Variants in SYNPR observed in about 807,000 individuals in gnomAD.
SYNPR encodes the protein synaptoporin.
Under a neutral mutation model 32.9 loss-of-function variants are expected in SYNPR, and 23 were observed. The observed-to-expected ratio is 0.70, with a 90% CI of 0.50 to 0.99. The LOEUF is 0.99. Ranked by LOEUF, SYNPR falls within the 50% of genes least tolerant of loss-of-function variation. SYNPR has a pLI of 0.00. For missense variants in SYNPR, 318 were observed against 349.3 expected (o/e 0.91, Z 0.71); for synonymous variants, 146 against 135.9 (o/e 1.07, Z -0.52).
At chr3:63,356,284 T>C (rs1560203272) in intron 2 of SYNPR, among the ~76,000 whole-genome samples, 1 of 152,212 alleles carries the variant, frequency 6.6e-6, no homozygotes, top group Non-Finnish European at 1.5e-5. Flanking sequence ...AATCCTGGGA[T>C]CAGAAGGCAT....
Position 63,503,201 on chromosome 3 carries a change from G to T in SYNPR, c.209+22245G>T, listed in dbSNP as rs151014586. Among the ~76,000 whole-genome samples the T allele has an allele frequency of 3.4e-3, 521 of 152,044 alleles. 4 individuals carry two copies. The highest frequency in any genetic ancestry group is 0.012 in the African/African-American group (479 of 41,502). ...ATTTGTATTTTTTTTCTGATGACAC[G>T]TGATGTGGAACATCTTTTCATATAT... On this transcript the variant is annotated intron_variant, in intron 3 of 5. Transcript: ENST00000478300.
At chr3:63,462,759 GT>G (rs1415001427) in intron 2 of SYNPR, among the ~76,000 whole-genome samples, 1 of 152,148 alleles carries the variant, frequency 6.6e-6, no homozygotes, top group Non-Finnish European at 1.5e-5. Context: ...CTGGAAAATT[GT>G]TATTTGCATA....
At chr3:63,322,807 T>C (rs1284418641) in intron 2 of SYNPR, among the ~76,000 whole-genome samples, 1 of 152,092 alleles carries the variant, frequency 6.6e-6, no homozygotes, top group Non-Finnish European at 1.5e-5. Context: ...ACAAAGGAAT[T>C]TGTAAGTTCT....
chr3:63,437,617 G>T (rs1700107977), intron 2 of SYNPR, among the ~76,000 whole-genome samples: 1 of 143,098 alleles, frequency 7.0e-6, no homozygotes, highest in Non-Finnish European at 1.5e-5. Flanking sequence ...AGGAAAAAGG[G>T]AAGGAAGAAA....
At chr3:63,575,615 G>T (rs997740319) in intron 4 of SYNPR, among the ~76,000 whole-genome samples, 2 of 152,138 alleles carry the variant, frequency 1.3e-5, no homozygotes, top group Non-Finnish European at 2.9e-5. Context: ...AACAGACTCT[G>T]CTTACTCAGA....
chr3:63,570,362 T>C (rs1702863801), intron 4 of SYNPR, among the ~76,000 whole-genome samples: 1 of 152,190 alleles, frequency 6.6e-6, no homozygotes, highest in Admixed American at 6.5e-5. Flanking sequence ...TATCTCTGGC[T>C]TATAGAAATA....
At chr3:63,243,231 T>C (rs1430521860) in intron 1 of SYNPR, among the ~76,000 whole-genome samples, 1 of 151,930 alleles carries the variant, frequency 6.6e-6, no homozygotes. Context: ...AAACTCTAAA[T>C]AGCACAAAGA....
chr3:63,347,875 TTGTGTG>T (rs10597535), intron 2 of SYNPR, among the ~76,000 whole-genome samples: 12,870 of 144,328 alleles, frequency 0.089, 599 homozygotes, highest in African/African-American at 0.13. Flanking sequence ...TAGTATTCCA[TTGTGTG>T]TGTGTGTGTG....
chr3:63,550,468 G>A (rs1436719629), intron 3 of SYNPR, among the ~76,000 whole-genome samples: 1 of 147,462 alleles, frequency 6.8e-6, no homozygotes, highest in Non-Finnish European at 1.5e-5. Context: ...CATCATCAGT[G>A]TTAATAAGGT....
chr3:63,488,671 CCT>C (rs1418353736), intron 3 of SYNPR, among the ~76,000 whole-genome samples: 1 of 151,760 alleles, frequency 6.6e-6, no homozygotes, highest in Non-Finnish European at 1.5e-5. Context: ...TTGAATATTC[CCT>C]GAGTTGCTAT....
chr3:63,318,652 G>A (rs2087071398), intron 2 of SYNPR, among the ~76,000 whole-genome samples: 1 of 151,808 alleles, frequency 6.6e-6, no homozygotes, highest in Non-Finnish European at 1.5e-5. Flanking sequence ...ATATTTCTCT[G>A]TTCACTTCTT....
chr3:63,359,297 G>T (rs141294738), intron 2 of SYNPR, among the ~76,000 whole-genome samples: 1 of 152,258 alleles, frequency 6.6e-6, no homozygotes, highest in African/African-American at 2.4e-5. Flanking sequence ...TTACCTGCAT[G>T]AGAGAATTTG....
At chr3:63,262,582 G>A (rs545047541) in intron 2 of SYNPR, among the ~76,000 whole-genome samples, 2 of 152,196 alleles carry the variant, frequency 1.3e-5, no homozygotes, top group Admixed American at 1.3e-4. Context: ...GGGCCCAACA[G>A]TGGTGGAAAT....
At chr3:63,527,006 A>G (rs1702024795) in intron 3 of SYNPR, among the ~76,000 whole-genome samples, 1 of 152,168 alleles carries the variant, frequency 6.6e-6, no homozygotes, top group Admixed American at 6.5e-5. Flanking sequence ...AGGCCAGAGA[A>G]GAGCAGTGTT....
At chr3:63,464,445 C>A (rs1459121168) in intron 2 of SYNPR, among the ~76,000 whole-genome samples, 2 of 152,096 alleles carry the variant, frequency 1.3e-5, no homozygotes, top group African/African-American at 4.8e-5. Context: ...TTATTTTCAC[C>A]TCTTCCGAAG....
intron 2 of SYNPR, among the ~76,000 whole-genome samples, chr3:63,324,294 G>T (rs1171016791): frequency 2.0e-5 from 3 of 152,110 alleles, no homozygotes. Context: ...TAGTATCAGT[G>T]ACCTCAACCT....
chr3:63,203,068 G>GTGTGTATGTATA, the SYNPR span: 14 of 108,588 alleles, frequency 1.3e-4, no homozygotes, highest in African/African-American at 6.0e-4. Flanking sequence ...ATATGTATGT[G>GTGTGTATGTATA]TATATATATA....
intron 2 of SYNPR, among the ~76,000 whole-genome samples, chr3:63,367,869 G>A (rs1041513515): frequency 6.6e-6 from 1 of 152,144 alleles, no homozygotes; most frequent in African/African-American, 2.4e-5. Flanking sequence ...CACAATCACT[G>A]ATGATTTTCT....
intron 2 of SYNPR, among the ~76,000 whole-genome samples, chr3:63,264,797 T>C (rs1208198881): frequency 1.3e-5 from 2 of 152,084 alleles, no homozygotes; most frequent in African/African-American, 2.4e-5. Flanking sequence ...GGCAGGCACT[T>C]TCCTCACAGG....
Sources: gnomAD v4.1 joint callset for allele counts (sites outside exome capture counted in the v4.1 genomes callset) on GRCh38, gnomAD v4.1.1 for gene constraint, MANE v1.5 for transcripts, NCBI Gene and HGNC (gene_info 2026-07-23, HGNC 2026-07-21) for gene names.